GPHN: variants seen among roughly 807,000 people sequenced by gnomAD.
The protein encoded by GPHN is gephyrin.
A neutral mutation model predicts 95.5 loss-of-function variants in GPHN; 17 were observed. That is an observed-to-expected ratio of 0.18 (90% CI 0.12 to 0.27). GPHN has a LOEUF of 0.27. Ranked by LOEUF, GPHN falls within the 10% of genes least tolerant of loss-of-function variation. The pLI, the probability that GPHN is intolerant of heterozygous loss-of-function variation, is 1.00. For missense variants in GPHN, 660 were observed against 978.1 expected (o/e 0.67, Z 4.34); for synonymous variants, 320 against 322.5 (o/e 0.99, Z 0.08).
At chr14:66,972,924 G>A (rs1174396403) in intron 9 of GPHN, among the ~76,000 whole-genome samples, 1 of 152,066 alleles carries the variant, frequency 6.6e-6, no homozygotes. Flanking sequence ...CATTGATTTT[G>A]TACCATCAGT....
the GPHN span, among the ~76,000 whole-genome samples, chr14:67,548,370 T>G: frequency 6.6e-6 from 1 of 152,154 alleles, no homozygotes; most frequent in Non-Finnish European, 1.5e-5. Context: ...CCTATCTGCT[T>G]CTTTATGCCA....
chr14:67,170,629 G>A (rs2082546905), intron 21 of GPHN, among the ~76,000 whole-genome samples: 1 of 152,160 alleles, frequency 6.6e-6, no homozygotes, highest in African/African-American at 2.4e-5. Context: ...TGCTTGATAT[G>A]TTGTTCCTGA....
At chr14:66,616,210 A>C (rs535927936) in intron 1 of GPHN, among the ~76,000 whole-genome samples, 1 of 119,164 alleles carries the variant, frequency 8.4e-6, no homozygotes, top group Non-Finnish European at 1.6e-5. Flanking sequence ...TTCCATATGA[A>C]ATTTAAAGAT....
chr14:67,695,692 G>A, the GPHN span: 15 of 1,614,062 alleles, frequency 9.3e-6, no homozygotes, highest in African/African-American at 6.7e-5. Flanking sequence ...GCGGGAACAT[G>A]AGCTCAACCA....
chr14:66,538,215 T>C (rs1301332255), intron 1 of GPHN, among the ~76,000 whole-genome samples: 2 of 152,208 alleles, frequency 1.3e-5, no homozygotes, highest in Non-Finnish European at 2.9e-5. Context: ...TGTGCGTTTT[T>C]TTGGCTGCAT....
chr14:66,946,350 C>G (rs1391227513), intron 8 of GPHN, among the ~76,000 whole-genome samples: 5 of 152,004 alleles, frequency 3.3e-5, no homozygotes, highest in Admixed American at 6.5e-5. Flanking sequence ...CATTAATCAC[C>G]AAACCAGCCA....
At chr14:67,338,653 C>T in the GPHN span, 2 of 1,614,128 alleles carry the variant, frequency 1.2e-6, no homozygotes, top group Middle Eastern at 1.6e-4. Flanking sequence ...TCCTTCTCTT[C>T]AGCCAGAAGA....
chr14:67,575,937 T>A, the GPHN span: 1 of 1,613,946 alleles, frequency 6.2e-7, no homozygotes, highest in Non-Finnish European at 8.5e-7. Context: ...TTCCTCCCAC[T>A]GCACCCTGGT....
rs142278422 is a variant in GPHN, at chr14:66,923,391, C to T, written c.729+453C>T. ...TTTTTAAAGGGACAAAGCTTTTCAG[C>T]GATTGTTGAATTTTTCTTAACTAAT... On this transcript the variant is annotated intron_variant, in intron 7 of 22. Transcript: ENST00000478722. Among the ~76,000 whole-genome samples, 60 of 151,886 alleles carry T rather than the reference C, an allele frequency of 4.0e-4. No homozygotes were observed. In the East Asian group the frequency reaches 4.8e-3, roughly 12 times the overall value.
chr14:66,910,481 T>A lies in GPHN; in HGVS notation c.390-5522T>A, dbSNP rs537513074. ...AATTGGTACAAACACTATGGAAAAT[T>A]ACTTTTATACAGTAAAACTGCACAT... On this transcript the variant is annotated intron_variant, in intron 5 of 22. Coordinates refer to ENST00000478722, the MANE Select transcript of GPHN (RefSeq NM_020806.5). Among the ~76,000 whole-genome samples, 9 of 152,068 alleles carry A rather than the reference T, an allele frequency of 5.9e-5. 1 individual carries two copies. The South Asian group carries it at 1.9e-3, about 32-fold the overall frequency.
the GPHN span, among the ~76,000 whole-genome samples, chr14:67,459,709 C>A: frequency 6.6e-6 from 1 of 152,342 alleles, no homozygotes; most frequent in Non-Finnish European, 1.5e-5. Context: ...AAAGAGCACA[C>A]ACGCTGTTCC....
chr14:66,735,077 G>A (rs1287969730), intron 2 of GPHN, among the ~76,000 whole-genome samples: 1 of 152,130 alleles, frequency 6.6e-6, no homozygotes, highest in African/African-American at 2.4e-5. Flanking sequence ...TAAAATCCAT[G>A]AAAACCAACA....
intron 5 of GPHN, among the ~76,000 whole-genome samples, chr14:66,899,888 G>A (rs2065043260): frequency 6.6e-6 from 1 of 151,704 alleles, no homozygotes; most frequent in African/African-American, 2.4e-5. Context: ...GGAACCATCT[G>A]TCCTAGAGCT....
At chr14:66,643,330 G>A (rs2064542166) in intron 1 of GPHN, among the ~76,000 whole-genome samples, 1 of 151,970 alleles carries the variant, frequency 6.6e-6, no homozygotes, top group Non-Finnish European at 1.5e-5. Context: ...AACTGGGAGT[G>A]TTTACTAAAC....
At chr14:66,727,405 A>G (rs1369760430) in intron 2 of GPHN, among the ~76,000 whole-genome samples, 1 of 152,226 alleles carries the variant, frequency 6.6e-6, no homozygotes. Context: ...ACTGGGTAAC[A>G]GGCAGAGGTT....
At chr14:66,801,559 C>T (rs1265575965) in intron 3 of GPHN, among the ~76,000 whole-genome samples, 1 of 151,738 alleles carries the variant, frequency 6.6e-6, no homozygotes, top group Admixed American at 6.6e-5. Flanking sequence ...CTCTCTCTCT[C>T]TCCCCGCTGC....
At chr14:67,636,605 G>A in the GPHN span, among the ~76,000 whole-genome samples, 680 of 152,266 alleles carry the variant, frequency 4.5e-3, 9 homozygotes, top group African/African-American at 0.015. Flanking sequence ...CTTCCTTACA[G>A]CCTGGTTGCA....
the GPHN span, chr14:67,388,380 C>A: frequency 1.2e-6 from 1 of 864,442 alleles, no homozygotes; most frequent in Non-Finnish European, 2.0e-6. Flanking sequence ...ACAACTCAGG[C>A]CAGCTAAAGA....
the GPHN span, among the ~76,000 whole-genome samples, chr14:67,708,535 A>T: frequency 5.9e-5 from 9 of 152,206 alleles, no homozygotes; most frequent in Admixed American, 2.0e-4. Context: ...GAAACAATTG[A>T]CAAGGAAATT....
Sources: gnomAD v4.1 joint callset for allele counts (sites outside exome capture counted in the v4.1 genomes callset) on GRCh38, gnomAD v4.1.1 for gene constraint, MANE v1.5 for transcripts, NCBI Gene and HGNC (gene_info 2026-07-23, HGNC 2026-07-21) for gene names.